Variants in CCDC178 observed in about 807,000 individuals in gnomAD.
CCDC178 encodes coiled-coil domain containing 178.
CCDC178 carries 126 observed loss-of-function variants against 117.4 expected under a neutral mutation model. The observed-to-expected ratio is 1.07, with a 90% CI of 0.93 to 1.24. The LOEUF (loss-of-function observed/expected upper bound fraction) is 1.24. CCDC178 is among the 50% of genes most tolerant of loss of function. CCDC178 has a pLI of 0.00. For synonymous variants in CCDC178, 283 were observed against 313.4 expected (o/e 0.90, Z 1.02); for missense variants, 1,030 against 986.9 (o/e 1.04, Z -0.59).
intron 5 of CCDC178, among the ~76,000 whole-genome samples, chr18:33,373,623 T>C (rs1414980742): frequency 2.6e-5 from 4 of 152,182 alleles, no homozygotes; most frequent in East Asian, 1.9e-4. Context: ...AGTGCAGCTA[T>C]AGCACTTTTC....
chr18:33,138,877 T>C (rs563650930), intron 20 of CCDC178, among the ~76,000 whole-genome samples: 1 of 152,250 alleles, frequency 6.6e-6, no homozygotes, highest in African/African-American at 2.4e-5. Flanking sequence ...TAATCTTCAA[T>C]AGGAGATACT....
intron 21 of CCDC178, among the ~76,000 whole-genome samples, chr18:33,013,083 T>C (rs1488669360): frequency 6.6e-6 from 1 of 152,178 alleles, no homozygotes; most frequent in Non-Finnish European, 1.5e-5. Flanking sequence ...ACATTTTTCC[T>C]TTTATAGGAT....
intron 10 of CCDC178, among the ~76,000 whole-genome samples, chr18:33,327,028 G>A (rs72948874): frequency 0.023 from 3,498 of 151,992 alleles, 52 homozygotes; most frequent in Admixed American, 0.036. Context: ...CCTTAAAACT[G>A]GGTCAAGATT....
intron 7 of CCDC178, among the ~76,000 whole-genome samples, chr18:33,355,702 T>C (rs762470962): frequency 6.6e-6 from 1 of 152,238 alleles, no homozygotes; most frequent in Non-Finnish European, 1.5e-5. Flanking sequence ...CTGTTATCTA[T>C]AGCCTCAGGC....
At chr18:32,961,973 T>A (rs1049475820) in intron 22 of CCDC178, among the ~76,000 whole-genome samples, 2 of 146,234 alleles carry the variant, frequency 1.4e-5, no homozygotes, top group African/African-American at 5.0e-5. Flanking sequence ...TCTATTTATT[T>A]TTTATTTCTG....
intron 20 of CCDC178, among the ~76,000 whole-genome samples, chr18:33,117,279 C>T (rs140318854): frequency 9.6e-4 from 146 of 152,200 alleles, no homozygotes; most frequent in East Asian, 4.5e-3. Flanking sequence ...TTCTCAACCA[C>T]GCCTGGCATT....
At chr18:33,222,726 CTTG>C (rs1244525008) in intron 18 of CCDC178, among the ~76,000 whole-genome samples, 2 of 152,036 alleles carry the variant, frequency 1.3e-5, no homozygotes, top group Non-Finnish European at 2.9e-5. Flanking sequence ...TCTGTTCTTT[CTTG>C]TTTTCTTTCC....
chr18:33,077,071 T>C (rs570523087), intron 21 of CCDC178, among the ~76,000 whole-genome samples: 1 of 152,346 alleles, frequency 6.6e-6, no homozygotes, highest in East Asian at 1.9e-4. Flanking sequence ...AGTATTTTAT[T>C]ACTAAGCATT....
chr18:33,076,511 A>ATC (rs1443778174), intron 21 of CCDC178, among the ~76,000 whole-genome samples: 1 of 152,212 alleles, frequency 6.6e-6, no homozygotes. Context: ...AGCACTCCGT[A>ATC]TCTTCATTTG....
At chr18:33,194,331 C>T (rs1002257360) in intron 20 of CCDC178, among the ~76,000 whole-genome samples, 3 of 152,004 alleles carry the variant, frequency 2.0e-5, no homozygotes, top group Non-Finnish European at 4.4e-5. Context: ...ATAGGTAATC[C>T]TGGAGTCAGG....
At chr18:33,327,974 T>C (rs534239808) in intron 10 of CCDC178, 11 of 330,520 alleles carry the variant, frequency 3.3e-5, no homozygotes, top group South Asian at 6.9e-5. Flanking sequence ...TTCTTGATAG[T>C]GTCCTTTGAT....
chr18:32,938,310 T>G (rs1197869224), intron 22 of CCDC178: 1 of 479,196 alleles, frequency 2.1e-6, no homozygotes, highest in East Asian at 3.2e-5. Context: ...CAACTAACTT[T>G]AAGGTAGAGA....
At chr18:33,130,996 T>C (rs1861760328) in intron 20 of CCDC178, among the ~76,000 whole-genome samples, 1 of 151,956 alleles carries the variant, frequency 6.6e-6, no homozygotes, top group Non-Finnish European at 1.5e-5. Flanking sequence ...AGGCAGGTGC[T>C]TCATTCCCAC....
intron 21 of CCDC178, among the ~76,000 whole-genome samples, chr18:33,070,724 C>A (rs1174008092): frequency 2.0e-5 from 3 of 151,996 alleles, no homozygotes; most frequent in African/African-American, 7.2e-5. Flanking sequence ...TCTTAAATAG[C>A]TTGATTTTAT....
At chr18:33,435,128 G>C (rs925537508) in intron 2 of CCDC178, among the ~76,000 whole-genome samples, 2 of 151,492 alleles carry the variant, frequency 1.3e-5, no homozygotes, top group Non-Finnish European at 2.9e-5. Flanking sequence ...TATTGGAGCA[G>C]AAAAAAAACA....
intron 20 of CCDC178, among the ~76,000 whole-genome samples, chr18:33,179,040 G>A (rs1414561421): frequency 1.7e-4 from 18 of 104,722 alleles, no homozygotes; most frequent in African/African-American, 7.0e-4. Context: ...ATTCCTTGAT[G>A]GACTACTAAA....
chr18:33,359,068 A>T (rs567807149), intron 6 of CCDC178, among the ~76,000 whole-genome samples: 2 of 151,956 alleles, frequency 1.3e-5, no homozygotes, highest in African/African-American at 2.4e-5. Flanking sequence ...ATGTTGATTT[A>T]TGTGACAGTT....
At chr18:33,036,980 A>T (rs1044088923) in intron 21 of CCDC178, among the ~76,000 whole-genome samples, 3 of 151,952 alleles carry the variant, frequency 2.0e-5, no homozygotes, top group African/African-American at 7.2e-5. Flanking sequence ...TTTTGCGTGA[A>T]AGAAGGAGAG....
intron 20 of CCDC178, among the ~76,000 whole-genome samples, chr18:33,120,336 G>C (rs1345449314): frequency 1.3e-5 from 2 of 152,196 alleles, no homozygotes; most frequent in South Asian, 2.1e-4. Context: ...TGACTGGGCT[G>C]ATTTATTTTG....
Sources: gnomAD v4.1 joint callset for allele counts (sites outside exome capture counted in the v4.1 genomes callset) on GRCh38, gnomAD v4.1.1 for gene constraint, MANE v1.5 for transcripts, NCBI Gene and HGNC (gene_info 2026-07-23, HGNC 2026-07-21) for gene names.